SNTG1: variants seen among roughly 807,000 people sequenced by gnomAD.
SNTG1 encodes syntrophin gamma 1, also known as gamma-1-syntrophin.
SNTG1 carries 39 observed loss-of-function variants against 74.7 expected under a neutral mutation model. The observed-to-expected ratio is 0.52, with a 90% confidence interval of 0.40 to 0.68. The LOEUF (loss-of-function observed/expected upper bound fraction) is 0.68. Ranked by LOEUF, SNTG1 falls within the 30% of genes least tolerant of loss-of-function variation. The probability of loss-of-function intolerance (pLI) is 0.00; values close to 1 mark genes in which losing one functional copy is unlikely to be tolerated. For synonymous variants in SNTG1, 254 were observed against 217.1 expected, an observed-to-expected ratio of 1.17 and a Z score of -1.49; for missense variants, 685 against 609.5, an observed-to-expected ratio of 1.12 and a Z score of -1.30.
chr8:49,944,784 C>G (rs998524799), intron 1 of SNTG1, among the ~76,000 whole-genome samples: 1 of 147,930 alleles, frequency 6.8e-6, no homozygotes, highest in Non-Finnish European at 1.5e-5. Context: ...GAATTCATCA[C>G]CTGCAAGAAA....
chr8:50,510,343 C>T (rs1025075005), intron 9 of SNTG1, among the ~76,000 whole-genome samples: 21 of 152,202 alleles, frequency 1.4e-4, no homozygotes, highest in Non-Finnish European at 2.6e-4. Context: ...ATTTTTGCAT[C>T]GATGTTCATG....
At chr8:50,086,158 A>G (rs1218452787) in intron 1 of SNTG1, among the ~76,000 whole-genome samples, 1 of 152,188 alleles carries the variant, frequency 6.6e-6, no homozygotes, top group African/African-American at 2.4e-5. Flanking sequence ...CAGAGAGACA[A>G]TTGGGCCACA....
At chr8:50,379,383 A>ACAGCTGCAGTTGGG (rs1158129761) in intron 2 of SNTG1, among the ~76,000 whole-genome samples, 1 of 152,142 alleles carries the variant, frequency 6.6e-6, no homozygotes, top group Admixed American at 6.5e-5. Flanking sequence ...CCATGGCTTC[A>ACAGCTGCAGTTGGG]CAGCTGCAGT....
intron 13 of SNTG1, among the ~76,000 whole-genome samples, chr8:50,624,676 T>C: frequency 6.6e-6 from 1 of 152,162 alleles, no homozygotes; most frequent in Non-Finnish European, 1.5e-5. Flanking sequence ...TTTTGTGAAC[T>C]AACCTCCATT....
intron 2 of SNTG1, among the ~76,000 whole-genome samples, chr8:50,364,225 C>T (rs996557756): frequency 5.9e-5 from 9 of 152,116 alleles, no homozygotes; most frequent in Admixed American, 5.9e-4. Context: ...CAAGCCACAC[C>T]CGCTGCTTAG....
At chr8:50,301,924 T>G (rs1208991537) in intron 2 of SNTG1, among the ~76,000 whole-genome samples, 1 of 151,910 alleles carries the variant, frequency 6.6e-6, no homozygotes, top group Non-Finnish European at 1.5e-5. Flanking sequence ...TGGCTCAATC[T>G]CAGTTCACTG....
chr8:50,455,649 T>C (rs190893884), intron 8 of SNTG1, among the ~76,000 whole-genome samples: 2 of 152,354 alleles, frequency 1.3e-5, no homozygotes, highest in East Asian at 3.9e-4. Context: ...GAACATATTC[T>C]TTTTTACTTT....
At chr8:49,933,720 A>T (rs901395730) in intron 1 of SNTG1, among the ~76,000 whole-genome samples, 1 of 152,194 alleles carries the variant, frequency 6.6e-6, no homozygotes, top group Admixed American at 6.5e-5. Context: ...GTCCAGTCTC[A>T]TCCAAATATT....
chr8:50,489,516 C>T (rs111276382), intron 8 of SNTG1, among the ~76,000 whole-genome samples: 11,343 of 152,286 alleles, frequency 0.074, 921 homozygotes, highest in African/African-American at 0.2. Context: ...TTGCATTTCT[C>T]TAATGACCAG....
At chr8:50,056,109 A>G (rs978017202) in intron 1 of SNTG1, among the ~76,000 whole-genome samples, 2 of 152,112 alleles carry the variant, frequency 1.3e-5, no homozygotes, top group Non-Finnish European at 2.9e-5. Context: ...TCACTCCACA[A>G]TAGATAAAAC....
chr8:50,317,937 C>T (rs1359821224), intron 2 of SNTG1, among the ~76,000 whole-genome samples: 1 of 152,114 alleles, frequency 6.6e-6, no homozygotes, highest in Admixed American at 6.5e-5. Flanking sequence ...CCCGGGTTCA[C>T]GCCATTCTCC....
chr8:50,559,372 C>T (rs2094474175), intron 12 of SNTG1, among the ~76,000 whole-genome samples: 1 of 151,804 alleles, frequency 6.6e-6, no homozygotes, highest in Non-Finnish European at 1.5e-5. Flanking sequence ...AACTAAGTAG[C>T]CAGAATGTGT....
intron 1 of SNTG1, among the ~76,000 whole-genome samples, chr8:50,137,827 G>A (rs1488202540): frequency 6.6e-6 from 1 of 152,088 alleles, no homozygotes. Context: ...GCTTGGAGGC[G>A]ACTGTCCAGA....
intron 1 of SNTG1, among the ~76,000 whole-genome samples, chr8:49,956,533 G>C (rs1203530811): frequency 1.3e-5 from 2 of 152,180 alleles, no homozygotes; most frequent in Non-Finnish European, 2.9e-5. Context: ...GCTCTGACCA[G>C]ACACAGGTTT....
In SNTG1 at chr8:50,353,321, G is replaced by C. The variant is rs191280717; in HGVS notation, c.-27-40891G>C. ...CCTATTGTAAATGACGAGTTAATGG[G>C]TGCAGCACACCAACATGGCGCATGT... On this transcript the variant is annotated intron_variant, in intron 2 of 18. Transcript: ENST00000642720. Among the ~76,000 whole-genome samples, 6 of 151,636 alleles carry C rather than the reference G, an allele frequency of 4.0e-5. No individual in the cohort carries two copies. The East Asian group carries it at 1.2e-3, about 29-fold the overall frequency.
At chr8:50,183,481 A>C (rs909832703) in intron 2 of SNTG1, among the ~76,000 whole-genome samples, 3 of 152,208 alleles carry the variant, frequency 2.0e-5, no homozygotes, top group Non-Finnish European at 4.4e-5. Flanking sequence ...ACTAAGCTGA[A>C]GACTTCCAGT....
chr8:50,621,829 C>T (rs1424859645), intron 13 of SNTG1, among the ~76,000 whole-genome samples: 2 of 152,144 alleles, frequency 1.3e-5, no homozygotes, highest in East Asian at 3.9e-4. Flanking sequence ...TTGTATAAAA[C>T]TCTTAGAAAT....
intron 8 of SNTG1, among the ~76,000 whole-genome samples, chr8:50,451,316 C>T (rs904507013): frequency 6.6e-6 from 1 of 152,122 alleles, no homozygotes; most frequent in Non-Finnish European, 1.5e-5. Flanking sequence ...TATGCAAATA[C>T]TACAACTTGT....
chr8:50,747,624 T>C (rs1002538710), intron 17 of SNTG1: 1 of 152,094 alleles, frequency 6.6e-6, no homozygotes, highest in Non-Finnish European at 1.5e-5. Flanking sequence ...TTACCTCTGT[T>C]ACTTTAATTC....
Sources: allele counts gnomAD v4.1 joint callset (sites outside exome capture counted in the v4.1 genomes callset), GRCh38; gene constraint gnomAD v4.1.1; transcripts MANE v1.5; gene names NCBI Gene and HGNC (gene_info 2026-07-23, HGNC 2026-07-21).